The following DENND4C variants were observed in gnomAD, a reference collection of about 807,000 sequenced individuals.
The protein encoded by DENND4C is DENN domain-containing protein 4C.
In DENND4C, 108 loss-of-function variants were observed where a neutral mutation model predicts 203.0. That is an observed-to-expected ratio of 0.53 (90% CI 0.46 to 0.62). DENND4C has a LOEUF of 0.62. DENND4C is among the 20% of genes least tolerant of loss of function. DENND4C has a pLI of 0.00. For synonymous variants in DENND4C, 871 were observed against 792.4 expected (o/e 1.10, Z -1.67); for missense variants, 2,481 against 2,301.2 (o/e 1.08, Z -1.60).
rs11560449 is a variant in DENND4C at position 19,260,999 on chromosome 9, G to A, written c.-17-15159G>A. Among the ~76,000 whole-genome samples, 8 of 152,182 alleles carry A rather than the reference G, an allele frequency of 5.3e-5. No homozygotes were observed. In the East Asian group the frequency reaches 1.5e-3, roughly 29 times the overall value. On this transcript the variant is annotated intron_variant, in intron 1 of 32. Transcript: ENST00000434457. ...TCTTGTAGTAGTTTCATGGTTTGAG[G>A]TTTTAGACTTAAGTATTTGTCTTGA...
intron 1 of DENND4C, among the ~76,000 whole-genome samples, chr9:19,241,281 T>A (rs146743355): frequency 2.0e-4 from 30 of 152,360 alleles, no homozygotes; most frequent in African/African-American, 6.7e-4. Context: ...TTGTTGTTTT[T>A]TGACTCTCGT....
At chr9:19,367,635 A>G (rs1020140162) in intron 30 of DENND4C, among the ~76,000 whole-genome samples, 1 of 152,260 alleles carries the variant, frequency 6.6e-6, no homozygotes, top group African/African-American at 2.4e-5. Flanking sequence ...GCTACTTGGG[A>G]GGATGAGGCA....
At chr9:19,336,004 T>G (rs181201862) in intron 18 of DENND4C, among the ~76,000 whole-genome samples, 2 of 152,284 alleles carry the variant, frequency 1.3e-5, no homozygotes, top group East Asian at 3.9e-4. Flanking sequence ...GTAGGGGTTC[T>G]TTTGTCCACA....
At chr9:19,262,073 GTTCTTTTTTTTT>G (rs1422308810) in intron 1 of DENND4C, among the ~76,000 whole-genome samples, 23 of 73,944 alleles carry the variant, frequency 3.1e-4, no homozygotes, top group African/African-American at 9.9e-4. Context: ...GAATTTATTA[GTTCTTTTTTTTT>G]TTTTTTTTTT....
At chr9:19,304,872 TTTAA>T (rs1003364628) in intron 9 of DENND4C, among the ~76,000 whole-genome samples, 19 of 152,048 alleles carry the variant, frequency 1.2e-4, no homozygotes, top group African/African-American at 4.3e-4. Flanking sequence ...TGTTGAGCTC[TTTAA>T]TTATCTGTTA....
At chr9:19,255,768 T>G (rs751848414) in intron 1 of DENND4C, among the ~76,000 whole-genome samples, 1 of 152,202 alleles carries the variant, frequency 6.6e-6, no homozygotes, top group African/African-American at 2.4e-5. Flanking sequence ...ATCCATAATT[T>G]TAGTCAGAGA....
At chr9:19,280,755 T>G in intron 2 of DENND4C, among the ~76,000 whole-genome samples, 1 of 152,064 alleles carries the variant, frequency 6.6e-6, no homozygotes, top group East Asian at 1.9e-4. Flanking sequence ...GGAGAATTTT[T>G]TTGAGACAGT....
At chr9:19,242,685 T>C (rs1442943429) in intron 1 of DENND4C, among the ~76,000 whole-genome samples, 1 of 151,716 alleles carries the variant, frequency 6.6e-6, no homozygotes, top group Non-Finnish European at 1.5e-5. Context: ...AGACGGAGTC[T>C]CCATTTGTTA....
chr9:19,353,144 C>T (rs1291365124), intron 26 of DENND4C, among the ~76,000 whole-genome samples: 2 of 152,116 alleles, frequency 1.3e-5, no homozygotes, highest in Admixed American at 6.6e-5. Context: ...GTCACTTGCA[C>T]GTCCTAGTAG....
At position 19,325,951 on chromosome 9, in the gene DENND4C, A is replaced by G; in HGVS notation, c.1966A>G (p.Lys656Glu). 6.2e-7 allele frequency: 1 copy of G among 1,607,810 alleles called. No homozygotes were observed. Residue 656 changes from lysine to glutamate, a missense_variant, in exon 14 of 33, where the codon AAA (lysine) becomes GAA (glutamate). Transcript: ENST00000434457. ...TCTTTTTTTCTAGTTGTTTCCTGAT[A>G]AAGGCACAGAGAAAACAGATAAGGT... is the stretch of plus-strand genomic sequence containing the variant. Reference protein sequence around the residue: ...DDCIEKLFPDKGTEKTDKVDF... With the variant: ...DDCIEKLFPDEGTEKTDKVDF...
chr9:19,336,400 TCTC>T lies in DENND4C; in HGVS notation c.2724_2726del (p.Ser909del), dbSNP rs1197706757. 1.2e-6 allele frequency: 2 copies of T among 1,613,338 alleles called. No individual in the cohort carries two copies. The highest frequency in any genetic ancestry group is 2.7e-5 in the African/African-American group (2 of 74,994). ...AAAAAGACTGTGCAAAGGTCACAGG[TCTC>T]CTCAATATCAGGTAATACATGTGAT... On this transcript the variant is annotated inframe_deletion, in exon 19 of 33. Coordinates refer to ENST00000434457, the MANE Select transcript of DENND4C (RefSeq NM_001330640.2).
At chr9:19,361,187 T>G (rs1826413173) in intron 29 of DENND4C, among the ~76,000 whole-genome samples, 1 of 152,202 alleles carries the variant, frequency 6.6e-6, no homozygotes, top group Non-Finnish European at 1.5e-5. Flanking sequence ...TTAACTGTTC[T>G]GTTCCCAGCT....
rs571868683 is a variant in DENND4C, at chr9:19,275,537, C to G, written c.-17-621C>G. On this transcript the variant is annotated intron_variant, in intron 1 of 32. Transcript: ENST00000434457. ...CCAGGCTGAGGTGAAGTGGAGCAAT[C>G]TCCGCTCACTGCAGCTTCTGCCCCC... 2.6e-5 allele frequency among the ~76,000 whole-genome samples: 4 copies of G among 151,866 alleles called. No homozygotes were observed. In the South Asian group the frequency reaches 6.2e-4, roughly 24 times the overall value.
chr9:19,356,089 GT>G lies in DENND4C; in HGVS notation c.4782-875del, dbSNP rs932276939. 7.3e-5 allele frequency among the ~76,000 whole-genome samples: 11 copies of G among 151,536 alleles called. No homozygotes were observed. In the South Asian group the frequency reaches 8.4e-4, roughly 12 times the overall value. ...TTCAAGCTTACAACAAATTTTAAAG[GT>G]TTTTTTTCAATGAGCACGCAAATAT... On this transcript the variant is annotated intron_variant, in intron 26 of 32. Coordinates refer to ENST00000434457, the MANE Select transcript of DENND4C (RefSeq NM_001330640.2).
chr9:19,300,162 C>T, intron 8 of DENND4C, 25 bp from the exon 9 acceptor site: 3 of 1,575,788 alleles, frequency 1.9e-6, no homozygotes, highest in Non-Finnish European at 1.7e-6. Flanking sequence ...TCACAATGAT[C>T]TACTTTTCTC....
chr9:19,295,244 C>T (rs969628727), intron 5 of DENND4C, among the ~76,000 whole-genome samples: 3 of 151,808 alleles, frequency 2.0e-5, no homozygotes, highest in Admixed American at 6.6e-5. Context: ...CAGTGGCGCA[C>T]GCCGTAATCC....
At chr9:19,369,766 CAAAA>C in intron 30 of DENND4C, 67 bp from the exon 31 acceptor site, 1 of 678,730 alleles carries the variant, frequency 1.5e-6, no homozygotes, top group Non-Finnish European at 1.9e-6. Context: ...GATGTTGTCT[CAAAA>C]AAAAAAAAAT....
At chr9:19,336,241 C>G in intron 18 of DENND4C, 29 bp from the exon 19 acceptor site, 1 of 1,596,490 alleles carries the variant, frequency 6.3e-7, no homozygotes. Context: ...TGCTAATGAA[C>G]ATTATTTTTA....
intron 1 of DENND4C, among the ~76,000 whole-genome samples, chr9:19,268,965 A>T (rs570290607): frequency 1.3e-5 from 2 of 151,978 alleles, no homozygotes; most frequent in Non-Finnish European, 2.9e-5. Flanking sequence ...TTGAATATTG[A>T]TATCTTTCTC....
Sources: allele counts gnomAD v4.1 joint callset (sites outside exome capture counted in the v4.1 genomes callset), GRCh38; gene constraint gnomAD v4.1.1; transcripts MANE v1.5; gene names NCBI Gene and HGNC (gene_info 2026-07-23, HGNC 2026-07-21).